UBE2K: variants seen among roughly 807,000 people sequenced by gnomAD.
UBE2K encodes the protein ubiquitin-conjugating enzyme E2 K.
UBE2K carries 6 observed loss-of-function variants against 30.0 expected under a neutral mutation model. The ratio of observed to expected loss-of-function variants is 0.20; its 90% CI spans 0.11 to 0.39. UBE2K has a LOEUF of 0.39. Ranked by LOEUF, UBE2K falls within the 10% of genes least tolerant of loss-of-function variation. UBE2K has a pLI of 1.00. For missense variants in UBE2K, 61 were observed against 241.6 expected (o/e 0.25, Z 4.96); for synonymous variants, 86 against 83.7 (o/e 1.03, Z -0.15).
At chr4:39,768,306 A>G (rs1047991804) in intron 4 of UBE2K, among the ~76,000 whole-genome samples, 6 of 148,268 alleles carry the variant, frequency 4.0e-5, no homozygotes, top group East Asian at 4.0e-4. Flanking sequence ...TCAGCCAGGC[A>G]TGGTAGCAGG....
chr4:39,721,528 AT>A (rs1158346824), intron 1 of UBE2K, among the ~76,000 whole-genome samples: 1 of 150,012 alleles, frequency 6.7e-6, no homozygotes, highest in African/African-American at 2.5e-5. Context: ...TAATTTTCAT[AT>A]TTTTTTTTGT....
At position 39,770,523 on chromosome 4, in the gene UBE2K, G is replaced by A. The variant is rs187427217; in HGVS notation, c.300-4311G>A. 19 of 1,603,906 alleles carry A rather than the reference G, an allele frequency of 1.2e-5. No homozygotes were observed. The East Asian group carries it at 2.0e-4, about 17-fold the overall frequency. On this transcript the variant is annotated intron_variant, in intron 4 of 6. Transcript: ENST00000261427. ...AGGCAGGGGTCCCTGGCTGCCCCCC[G>A]CCCCCCGGGCAACCATGGCCGCCGC...
At chr4:39,726,762 A>AT (rs1719776203) in intron 1 of UBE2K, among the ~76,000 whole-genome samples, 2 of 151,736 alleles carry the variant, frequency 1.3e-5, no homozygotes, top group Admixed American at 1.3e-4. Context: ...CACCTGGCTA[A>AT]TTTTTTGTGT....
At chr4:39,716,677 A>G (rs927930609) in intron 1 of UBE2K, among the ~76,000 whole-genome samples, 25 of 152,230 alleles carry the variant, frequency 1.6e-4, no homozygotes, top group Admixed American at 1.2e-3. Flanking sequence ...TCTGGGCAAC[A>G]TAGTGAGACC....
chr4:39,753,998 C>T (rs1314798837), intron 3 of UBE2K, among the ~76,000 whole-genome samples: 1 of 152,082 alleles, frequency 6.6e-6, no homozygotes, highest in East Asian at 1.9e-4. Context: ...CTCCAGACTC[C>T]AGCCTGAGCG....
rs28664181 is a variant in UBE2K at position 39,709,776 on chromosome 4, G to A, written c.63+11386G>A. Among the ~76,000 whole-genome samples the A allele has an allele frequency of 5.9e-3, 895 of 152,106 alleles. 8 individuals are homozygous for A. Among genetic ancestry groups the A allele is most frequent in the African/African-American group, 0.02 (850 of 41,526 alleles). On this transcript the variant is annotated intron_variant, in intron 1 of 6. Transcript: ENST00000261427. ...CAGTTATAAATCGTTCAAAGTTTGT[G>A]TTAAAATGTTGCCTTCCTGAATGAA...
At position 39,743,665 on chromosome 4, in the gene UBE2K, C is replaced by T. The variant is rs1279660697; in HGVS notation, c.158-2087C>T. Among the ~76,000 whole-genome samples, 4 of 151,532 alleles carry T rather than the reference C, an allele frequency of 2.6e-5. No homozygotes were observed. The South Asian group carries it at 6.2e-4, about 24-fold the overall frequency. ...GCCAGCTTTAATAACTATCAGCTCA[C>T]GGCCATCTGTGATCTAATTTATTCT... On this transcript the variant is annotated intron_variant, in intron 2 of 6. Coordinates refer to ENST00000261427, the MANE Select transcript of UBE2K (RefSeq NM_005339.5).
intron 6 of UBE2K, among the ~76,000 whole-genome samples, chr4:39,778,062 C>T (rs1713378891): frequency 8.0e-6 from 1 of 125,004 alleles, no homozygotes; most frequent in African/African-American, 3.1e-5. Context: ...CATGCCACTG[C>T]ACTCCAGCCT....
intron 4 of UBE2K, chr4:39,770,861 C>G (rs1018585258): frequency 1.3e-6 from 2 of 1,542,392 alleles, no homozygotes; most frequent in Non-Finnish European, 8.7e-7. Flanking sequence ...CCTCGGCTTT[C>G]AGCTCCAAGT....
At chr4:39,704,752 G>C (rs556099657) in intron 1 of UBE2K, among the ~76,000 whole-genome samples, 1 of 152,044 alleles carries the variant, frequency 6.6e-6, no homozygotes, top group African/African-American at 2.4e-5. Context: ...ATGTTGCCCA[G>C]GCTGGTCTCG....
At chr4:39,765,906 T>TAC (rs1250211165) in intron 4 of UBE2K, among the ~76,000 whole-genome samples, 127 of 129,160 alleles carry the variant, frequency 9.8e-4, no homozygotes, top group African/African-American at 3.2e-3. Flanking sequence ...TCAGGATATA[T>TAC]ATATACATAC....
chr4:39,752,405 C>T (rs1216875884), intron 3 of UBE2K, among the ~76,000 whole-genome samples: 7 of 141,194 alleles, frequency 5.0e-5, no homozygotes, highest in South Asian at 2.2e-4. Flanking sequence ...GGCACAATCT[C>T]GGCTCACTGC....
chr4:39,754,081 A>G (rs1276967378), intron 3 of UBE2K, among the ~76,000 whole-genome samples: 4 of 152,198 alleles, frequency 2.6e-5, no homozygotes, highest in Non-Finnish European at 4.4e-5. Context: ...GAGGTCATTA[A>G]TGGTCCTTAA....
At chr4:39,737,025 C>G (rs1720415873) in intron 1 of UBE2K, among the ~76,000 whole-genome samples, 1 of 152,120 alleles carries the variant, frequency 6.6e-6, no homozygotes, top group Admixed American at 6.6e-5. Flanking sequence ...TAAGCAGAAC[C>G]CATGTATCGT....
rs1420775563 is a variant in UBE2K at position 39,771,392 on chromosome 4, A to G, written c.300-3442A>G. 66 of 1,611,732 alleles carry G rather than the reference A, an allele frequency of 4.1e-5. No individual in the cohort carries two copies. The Middle Eastern group carries it at 4.9e-4, about 12-fold the overall frequency. ...TTCATGTTCCGTAGCGTAGCGGCCTAGTGGCCGGGCAGCTGGAAGCGCAGG... is the reference window on the plus strand; with the variant it reads ...TTCATGTTCCGTAGCGTAGCGGCCTGGTGGCCGGGCAGCTGGAAGCGCAGG... On this transcript the variant is annotated intron_variant, in intron 4 of 6. Transcript: ENST00000261427.
chr4:39,731,442 A>T lies in UBE2K; in HGVS notation c.64-5978A>T, dbSNP rs530348754. Among the ~76,000 whole-genome samples the T allele has an allele frequency of 7.4e-4, 113 of 152,038 alleles. 1 individual carries two copies. Among genetic ancestry groups the T allele is most frequent in the South Asian group, 6.0e-3 (29 of 4,800 alleles). ...CACCTGTAATCCCAGCACTTTGGGA[A>T]GCCGAGGCAGGTGGATCACCAGAGG... On this transcript the variant is annotated intron_variant, in intron 1 of 6. Transcript: ENST00000261427.
intron 2 of UBE2K, among the ~76,000 whole-genome samples, chr4:39,740,232 T>TC (rs1720618944): frequency 6.6e-6 from 1 of 152,114 alleles, no homozygotes; most frequent in African/African-American, 2.4e-5. Flanking sequence ...GTGACATTAT[T>TC]CTAGAGGTCT....
At chr4:39,728,827 G>GTTTTTTTTTTTTTTTTTTTTTTT (rs372834149) in intron 1 of UBE2K, among the ~76,000 whole-genome samples, 3 of 128,658 alleles carry the variant, frequency 2.3e-5, no homozygotes, top group Non-Finnish European at 3.5e-5. Flanking sequence ...TGTTTTTTTT[G>GTTTTTTTTTTTTTTTTTTTTTTT]TTTTTTTTTT....
intron 4 of UBE2K, among the ~76,000 whole-genome samples, chr4:39,771,647 C>T (rs1712867486): frequency 6.6e-6 from 1 of 152,076 alleles, no homozygotes; most frequent in Admixed American, 6.5e-5. Context: ...GGGAGCGGCT[C>T]GTGCGGTGTG....
Sources: allele counts gnomAD v4.1 joint callset (sites outside exome capture counted in the v4.1 genomes callset), GRCh38; gene constraint gnomAD v4.1.1; transcripts MANE v1.5; gene names NCBI Gene and HGNC (gene_info 2026-07-23, HGNC 2026-07-21).